NTRK2: variants seen among roughly 807,000 people sequenced by gnomAD.
NTRK2 encodes BDNF/NT-3 growth factors receptor.
Under a neutral mutation model 94.5 loss-of-function variants are expected in NTRK2, and 13 were observed. That is an observed-to-expected ratio of 0.14 (90% confidence interval 0.09 to 0.22). The LOEUF is 0.22. Ranked by LOEUF, NTRK2 falls within the 10% of genes least tolerant of loss-of-function variation. NTRK2 has a pLI of 1.00. For synonymous variants in NTRK2, 372 were observed against 407.4 expected (o/e 0.91, Z 1.05); for missense variants, 639 against 1,071.2 (o/e 0.60, Z 5.63).
At position 84,813,484 on chromosome 9, in the gene NTRK2, G is replaced by A. The variant is rs183689435; in HGVS notation, c.1397-47556G>A. 2.3e-5 allele frequency: 24 copies of A among 1,064,972 alleles called. 1 individual carries two copies. In the South Asian group the frequency reaches 2.3e-4, roughly 10 times the overall value. The allele number at this position is 1,064,972 out of a possible 1,614,324, so 66.0% of individuals were successfully genotyped here. On this transcript the variant is annotated intron_variant, in intron 12 of 18. Coordinates refer to ENST00000277120, the MANE Select transcript of NTRK2 (RefSeq NM_006180.6). ...TCTCACGGTATCCTTCTGTCTTCCC[G>A]TTGCAAATTCACTTTTCTTTCTTCC...
At chr9:84,798,691 G>A (rs1402604774) in intron 12 of NTRK2, among the ~76,000 whole-genome samples, 1 of 152,164 alleles carries the variant, frequency 6.6e-6, no homozygotes, top group African/African-American at 2.4e-5. Flanking sequence ...TGACACAGAT[G>A]ATTATTTTTA....
chr9:84,922,157 C>T (rs773545937), intron 14 of NTRK2, among the ~76,000 whole-genome samples: 4 of 152,084 alleles, frequency 2.6e-5, no homozygotes, highest in Non-Finnish European at 4.4e-5. Context: ...TTGATTCAAC[C>T]GAAATAGTTT....
intron 12 of NTRK2, among the ~76,000 whole-genome samples, chr9:84,783,748 T>C (rs1026590382): frequency 6.6e-6 from 1 of 151,738 alleles, no homozygotes; most frequent in Admixed American, 6.6e-5. Context: ...ATTCATACAT[T>C]TGCTAGGAGT....
rs1294844829 is a variant in NTRK2, at chr9:85,026,632, T to C, written c.*5195T>C. Reference sequence around the variant, plus strand: ...GCGTTCTTTGATCATTACCTATGACTTACAAATCTGCCTGGAGATGTGGAC... The same window carrying C: ...GCGTTCTTTGATCATTACCTATGACCTACAAATCTGCCTGGAGATGTGGAC... On this transcript the variant is annotated 3_prime_UTR_variant, in exon 19 of 19. Coordinates refer to ENST00000277120, the MANE Select transcript of NTRK2 (RefSeq NM_006180.6). 4.3e-6 allele frequency: 1 copy of C among 232,952 alleles called. No individual in the cohort carries two copies. Among genetic ancestry groups the C allele is most frequent in the East Asian group, 6.1e-5 (1 of 16,528 alleles). The allele number at this position is 232,952 out of a possible 1,614,324, so 14.4% of individuals were successfully genotyped here.
chr9:84,745,341 G>A (rs2063976703), intron 11 of NTRK2, among the ~76,000 whole-genome samples: 1 of 152,134 alleles, frequency 6.6e-6, no homozygotes, highest in South Asian at 2.1e-4. Flanking sequence ...ATCACCAGAA[G>A]AGCAAGAAAC....
chr9:84,764,165 AC>A (rs2065838411), intron 12 of NTRK2, among the ~76,000 whole-genome samples: 1 of 152,206 alleles, frequency 6.6e-6, no homozygotes, highest in South Asian at 2.1e-4. Context: ...AAGTTGGATC[AC>A]CTTTTGAAGA....
chr9:84,776,254 C>T (rs1437218464), intron 12 of NTRK2, among the ~76,000 whole-genome samples: 1 of 152,132 alleles, frequency 6.6e-6, no homozygotes, highest in African/African-American at 2.4e-5. Context: ...CAGAGTCTCA[C>T]TCTGTCGCCC....
intron 12 of NTRK2, among the ~76,000 whole-genome samples, chr9:84,845,513 A>T (rs1405495432): frequency 6.6e-6 from 1 of 152,210 alleles, no homozygotes; most frequent in East Asian, 1.9e-4. Context: ...TTAATTGTGT[A>T]GATTCAAGCT....
intron 2 of NTRK2, among the ~76,000 whole-genome samples, chr9:84,692,955 T>C (rs1406027130): frequency 2.0e-5 from 3 of 152,138 alleles, no homozygotes; most frequent in Non-Finnish European, 1.5e-5. Flanking sequence ...CAGTGAAAGA[T>C]CGGAAGTTGC....
rs199593249 is a variant in NTRK2 at position 84,741,844 on chromosome 9, G to T, written c.1160-48G>T. On this transcript the variant is annotated intron_variant, in intron 9 of 18. Coordinates refer to ENST00000277120, the MANE Select transcript of NTRK2 (RefSeq NM_006180.6). ...AGTTGACATAGGTTAGTAATTTTTT[G>T]ACTCCAAAATGCATACTTACAAATC... 3.1e-5 allele frequency: 48 copies of T among 1,560,824 alleles called. 1 individual carries two copies. The South Asian group carries it at 5.1e-4, about 16-fold the overall frequency.
intron 16 of NTRK2, among the ~76,000 whole-genome samples, chr9:84,949,553 C>T (rs560198163): frequency 7.2e-5 from 11 of 152,204 alleles, no homozygotes; most frequent in Non-Finnish European, 1.3e-4. Flanking sequence ...CTGCAACCTC[C>T]GCCTCCCAGG....
chr9:84,702,364 G>A lies in NTRK2; in HGVS notation c.304G>A (p.Gly102Arg). ...GLRNLTIVDS[G>R]LKFVAHKAFL... ...TTTTCACAGGACAATTGTGGATTCT[G>A]GATTAAAATTTGTGGCTCATAAAGC... The change falls in exon 4 of 19, where the codon GGA (glycine) becomes AGA (arginine). Residue 102 changes from glycine (G) to arginine (R), a missense_variant. Gly to Arg is a moderately radical substitution (Grantham distance 125). Around this residue, in one of 5 missense-constraint regions of NTRK2, gnomAD observed 206 missense variants for 251.5 expected, o/e 0.82. Coordinates refer to ENST00000277120, the MANE Select transcript of NTRK2 (RefSeq NM_006180.6). The A allele has an allele frequency of 6.2e-7, 1 of 1,614,090 alleles. No individual in the cohort carries two copies. Among genetic ancestry groups the A allele is most frequent in the East Asian group, 2.2e-5 (1 of 44,876 alleles).
Position 84,869,098 on chromosome 9 carries a change from A to G in NTRK2, c.1633+1667A>G, listed in dbSNP as rs74955347. ...AATAACAAATGAGATCCTCTAGTCA[A>G]AAGTGGGCTACATGTCTGGAAGTGC... On this transcript the variant is annotated intron_variant, in intron 14 of 18. Transcript: ENST00000277120. Among the ~76,000 whole-genome samples the G allele has an allele frequency of 4.6e-3, 708 of 152,340 alleles. 13 individuals carry two copies. Among genetic ancestry groups the G allele is most frequent in the Admixed American group, 0.038 (575 of 15,294 alleles).
chr9:84,996,518 T>C (rs1456679384), intron 17 of NTRK2, among the ~76,000 whole-genome samples: 1 of 152,156 alleles, frequency 6.6e-6, no homozygotes, highest in South Asian at 2.1e-4. Context: ...ATCACACACG[T>C]GGAGGAGAAA....
At chr9:84,914,367 C>T (rs2077332494) in intron 14 of NTRK2, among the ~76,000 whole-genome samples, 1 of 152,056 alleles carries the variant, frequency 6.6e-6, no homozygotes, top group South Asian at 2.1e-4. Flanking sequence ...AGTTTGATAT[C>T]TTTCTGGTTC....
Position 85,024,954 on chromosome 9 carries a change from CGTA to C in NTRK2, c.*3520_*3522del, listed in dbSNP as rs1330397164. ...ATTTATACATATACAAATGCACATA[CGTA>C]GTGTGTTTGTGTGTTTATGTATAAA... is the stretch of plus-strand genomic sequence containing the variant. On this transcript the variant is annotated 3_prime_UTR_variant, in exon 19 of 19. Transcript: ENST00000277120. 1 of 232,844 alleles carries C rather than the reference CGTA, an allele frequency of 4.3e-6. No homozygotes were observed. The highest frequency in any genetic ancestry group is 8.5e-6 in the Non-Finnish European group (1 of 117,922). The allele number at this position is 232,844 out of a possible 1,614,324, so 14.4% of individuals were successfully genotyped here.
rs181674039 is a variant in NTRK2, at chr9:84,972,437, T to A, written c.2172+16920T>A. On this transcript the variant is annotated intron_variant, in intron 17 of 18. Transcript: ENST00000277120. ...TGTGTTCTATGGAACCCAGTGAGTT[T>A]ATGAAGGGGCTTCAGTGACTGGTTT... is the stretch of plus-strand genomic sequence containing the variant. 5.6e-4 allele frequency among the ~76,000 whole-genome samples: 86 copies of A among 152,326 alleles called. 1 individual carries two copies. In the South Asian group the frequency reaches 0.012, roughly 21 times the overall value.
Position 84,777,870 on chromosome 9 carries a change from C to T in NTRK2, c.1396+25785C>T, listed in dbSNP as rs147401378. Among the ~76,000 whole-genome samples, 116 of 152,308 alleles carry T rather than the reference C, an allele frequency of 7.6e-4. 2 individuals are homozygous for T. The highest frequency in any genetic ancestry group is 6.6e-3 in the Admixed American group (101 of 15,294). On this transcript the variant is annotated intron_variant, in intron 12 of 18. Transcript: ENST00000277120. ...GACCTTTTAAAATAATATATGTTCT[C>T]TTTGCCCCCGGTGATTCAAGCTAGA...
chr9:84,702,543 T>C (rs2060797464), intron 4 of NTRK2, 124 bp downstream of exon 4: 4 of 842,808 alleles, frequency 4.7e-6, no homozygotes, highest in Non-Finnish European at 8.1e-6. Flanking sequence ...GCTGTGATAA[T>C]AGCTTAGAAA....
Sources: allele counts gnomAD v4.1 joint callset (sites outside exome capture counted in the v4.1 genomes callset), GRCh38; gene constraint gnomAD v4.1.1; regional missense constraint gnomAD v4.1.1; transcripts MANE v1.5; gene names NCBI Gene and HGNC (gene_info 2026-07-23, HGNC 2026-07-21).